NTNG1: variants seen among roughly 807,000 people sequenced by gnomAD.
The protein encoded by NTNG1 is netrin G1.
NTNG1 carries 16 observed loss-of-function variants against 54.0 expected under a neutral mutation model. That is an observed-to-expected ratio of 0.30 (90% CI 0.20 to 0.45). NTNG1 has a LOEUF of 0.45. Ranked by LOEUF, NTNG1 falls within the 20% of genes least tolerant of loss-of-function variation. The pLI, the probability that NTNG1 is intolerant of heterozygous loss-of-function variation, is 1.00. For synonymous variants in NTNG1, 255 were observed against 263.1 expected, an observed-to-expected ratio of 0.97 and a Z score of 0.30; for missense variants, 530 against 678.7, an observed-to-expected ratio of 0.78 and a Z score of 2.43.
chr1:107,237,735 A>G (rs943891653), intron 2 of NTNG1, among the ~76,000 whole-genome samples: 1 of 152,188 alleles, frequency 6.6e-6, no homozygotes, highest in African/African-American at 2.4e-5. Context: ...TCAAACCCCA[A>G]GTCTTGGCAG....
At chr1:107,402,898 T>A (rs1673133072) in intron 4 of NTNG1, among the ~76,000 whole-genome samples, 1 of 152,078 alleles carries the variant, frequency 6.6e-6, no homozygotes, top group South Asian at 2.1e-4. Context: ...CAGTGGTAAT[T>A]TTTCCTCTCA....
intron 3 of NTNG1, 79 bp downstream of exon 3, chr1:107,325,001 G>A (rs1667869037): frequency 7.1e-7 from 1 of 1,404,806 alleles, no homozygotes; most frequent in Admixed American, 2.2e-5. Context: ...GCTGTAAAGT[G>A]ACATTTGTCA....
At position 107,478,414 on chromosome 1, in the gene NTNG1, T is replaced by C. The variant is rs1289459240; in HGVS notation, c.1391-2197T>C. 2.6e-5 allele frequency among the ~76,000 whole-genome samples: 4 copies of C among 152,330 alleles called. No homozygotes were observed. In the East Asian group the frequency reaches 7.7e-4, roughly 29 times the overall value. Reference sequence around the variant, plus strand: ...ATTAAATTTCTCACAACTATTAAAATCAACTAGTAATTACTTAAATGCAGG... The same window carrying C: ...ATTAAATTTCTCACAACTATTAAAACCAACTAGTAATTACTTAAATGCAGG... On this transcript the variant is annotated intron_variant, in intron 7 of 7. Transcript: ENST00000370068.
chr1:107,442,386 C>T (rs887250336), intron 7 of NTNG1, among the ~76,000 whole-genome samples: 1 of 151,990 alleles, frequency 6.6e-6, no homozygotes, highest in Non-Finnish European at 1.5e-5. Flanking sequence ...AAAATAAAAG[C>T]ATAAATTGTT....
intron 5 of NTNG1, among the ~76,000 whole-genome samples, chr1:107,421,397 A>C (rs1396474495): frequency 6.6e-6 from 1 of 152,050 alleles, no homozygotes; most frequent in African/African-American, 2.4e-5. Flanking sequence ...AAGAATTACA[A>C]TGGTTGAGGT....
intron 5 of NTNG1, among the ~76,000 whole-genome samples, chr1:107,429,259 T>C (rs1279794280): frequency 6.6e-6 from 1 of 152,154 alleles, no homozygotes; most frequent in Admixed American, 6.6e-5. Flanking sequence ...TTTGATTTCA[T>C]TCCATCAGGA....
chr1:107,358,690 A>T (rs923634465), intron 3 of NTNG1, among the ~76,000 whole-genome samples: 2 of 152,106 alleles, frequency 1.3e-5, no homozygotes, highest in Admixed American at 6.5e-5. Context: ...AGAGAGTTTA[A>T]CAACATCTAC....
chr1:107,333,255 T>C (rs1295327164), intron 3 of NTNG1, among the ~76,000 whole-genome samples: 2 of 152,058 alleles, frequency 1.3e-5, no homozygotes, highest in African/African-American at 4.8e-5. Context: ...CTCACTCTGG[T>C]TGTGCTAATA....
intron 2 of NTNG1, among the ~76,000 whole-genome samples, chr1:107,289,512 C>T (rs1665443677): frequency 6.6e-6 from 1 of 152,098 alleles, no homozygotes; most frequent in Non-Finnish European, 1.5e-5. Flanking sequence ...ATGTCATTCC[C>T]ACCTCTCAAC....
chr1:107,304,161 G>A (rs112113699), intron 2 of NTNG1, among the ~76,000 whole-genome samples: 88 of 151,838 alleles, frequency 5.8e-4, no homozygotes, highest in African/African-American at 2.0e-3. Context: ...ATCTTCTTTA[G>A]AGTATCTGGC....
At chr1:107,431,655 C>G (rs756990077) in intron 6 of NTNG1, among the ~76,000 whole-genome samples, 16 of 152,028 alleles carry the variant, frequency 1.1e-4, no homozygotes, top group Non-Finnish European at 2.2e-4. Flanking sequence ...AATCTCCTAC[C>G]TTTTACATAG....
chr1:107,424,216 AG>A lies in NTNG1; in HGVS notation c.1088-6533del, dbSNP rs201280135. Among the ~76,000 whole-genome samples the A allele has an allele frequency of 7.6e-3, 1,157 of 152,238 alleles. 17 individuals carry two copies. The highest frequency in any genetic ancestry group is 0.027 in the African/African-American group (1,103 of 41,564). On this transcript the variant is annotated intron_variant, in intron 5 of 7. Coordinates refer to ENST00000370068, the MANE Select transcript of NTNG1 (RefSeq NM_001113226.3). ...TTTTCTTTGAGAAGATATTTTAAAAAGAAATGGGGAAGCAAATAATGGAGAT... is the reference window on the plus strand; with the variant it reads ...TTTTCTTTGAGAAGATATTTTAAAAAAAATGGGGAAGCAAATAATGGAGAT...
chr1:107,348,437 C>G (rs1473394351), intron 3 of NTNG1, among the ~76,000 whole-genome samples: 1 of 152,080 alleles, frequency 6.6e-6, no homozygotes, highest in Non-Finnish European at 1.5e-5. Flanking sequence ...TGGTACTCTT[C>G]TTAATCACTA....
At chr1:107,315,982 G>T (rs1667315712) in intron 2 of NTNG1, among the ~76,000 whole-genome samples, 1 of 152,128 alleles carries the variant, frequency 6.6e-6, no homozygotes, top group African/African-American at 2.4e-5. Context: ...ATCAACAAAA[G>T]TTCACTTCTT....
At chr1:107,329,914 A>C (rs1340888726) in intron 3 of NTNG1, among the ~76,000 whole-genome samples, 7 of 152,140 alleles carry the variant, frequency 4.6e-5, no homozygotes, top group Non-Finnish European at 7.4e-5. Flanking sequence ...ACAAAAAAAA[A>C]ATGATGATAA....
chr1:107,313,926 C>T (rs1247926131), intron 2 of NTNG1, among the ~76,000 whole-genome samples: 2 of 152,146 alleles, frequency 1.3e-5, no homozygotes, highest in Non-Finnish European at 2.9e-5. Flanking sequence ...TATCTTTTAT[C>T]TCTGCAAGCC....
At chr1:107,366,149 T>C (rs1670581197) in intron 3 of NTNG1, among the ~76,000 whole-genome samples, 1 of 152,182 alleles carries the variant, frequency 6.6e-6, no homozygotes, top group African/African-American at 2.4e-5. Flanking sequence ...ATATTTTTAA[T>C]GGTATTGTAA....
At chr1:107,349,091 CCTT>C (rs1289853235) in intron 3 of NTNG1, among the ~76,000 whole-genome samples, 2 of 152,144 alleles carry the variant, frequency 1.3e-5, no homozygotes, top group Non-Finnish European at 2.9e-5. Flanking sequence ...AGCCACAGAG[CCTT>C]CTTCTGTTCC....
intron 2 of NTNG1, among the ~76,000 whole-genome samples, chr1:107,180,839 G>A (rs79072290): frequency 0.019 from 2,837 of 152,266 alleles, 87 homozygotes; most frequent in African/African-American, 0.065. Context: ...TTAGGATAAT[G>A]TGTGGTTAGT....
Sources: gnomAD v4.1 joint callset for allele counts (sites outside exome capture counted in the v4.1 genomes callset) on GRCh38, gnomAD v4.1.1 for gene constraint, MANE v1.5 for transcripts, NCBI Gene and HGNC (gene_info 2026-07-23, HGNC 2026-07-21) for gene names.